Variants in TBXAS1 observed in about 807,000 individuals in gnomAD.
TBXAS1 encodes thromboxane A synthase 1, also known as thromboxane-A synthase.
TBXAS1 carries 48 observed loss-of-function variants against 60.7 expected under a neutral mutation model. The observed-to-expected ratio is 0.79, with a 90% CI of 0.63 to 1.01. TBXAS1 has a LOEUF of 1.01. TBXAS1 is among the 50% of genes least tolerant of loss of function. TBXAS1 has a pLI of 0.00. For synonymous variants in TBXAS1, 287 were observed against 269.7 expected, an observed-to-expected ratio of 1.06 and a Z score of -0.63; for missense variants, 685 against 686.3, an observed-to-expected ratio of 1.00 and a Z score of 0.02.
At position 139,953,888 on chromosome 7, in the gene TBXAS1, T is replaced by A. The variant is rs1809624976; in HGVS notation, c.539+432T>A. On this transcript the variant is annotated intron_variant, in intron 6 of 12. Transcript: ENST00000448866. Reference sequence around the variant, plus strand: ...TTTTGTAACTAAAAGGTTTTTGCTTTAAAAAAACATCTTTAGTCTAAGTTT... The same window carrying A: ...TTTTGTAACTAAAAGGTTTTTGCTTAAAAAAAACATCTTTAGTCTAAGTTT... Among the ~76,000 whole-genome samples the A allele has an allele frequency of 3.9e-5, 6 of 152,332 alleles. No individual in the cohort carries two copies. In the East Asian group the frequency reaches 1.2e-3, roughly 29 times the overall value.
intron 5 of TBXAS1, among the ~76,000 whole-genome samples, chr7:139,943,234 C>T (rs1355909301): frequency 1.3e-5 from 2 of 152,164 alleles, no homozygotes; most frequent in Non-Finnish European, 2.9e-5. Context: ...TGGCTGTAGT[C>T]ATCAATACTT....
rs1253689074 is a variant in TBXAS1 at position 139,999,975 on chromosome 7, TA to T, written c.1135-7115del. ...ACATTTTTATTTTCTTTTTCTCATTTATACTCCAGATGACATCTGCACACAC... is the reference window on the plus strand; with the variant it reads ...ACATTTTTATTTTCTTTTTCTCATTTTACTCCAGATGACATCTGCACACAC... On this transcript the variant is annotated intron_variant, in intron 9 of 12. Transcript: ENST00000448866. This position sits in a 1 kb window ranked among gnomAD's most constrained non-coding sequence, Gnocchi z 4.3. Among the ~76,000 whole-genome samples the T allele has an allele frequency of 6.6e-6, 1 of 152,226 alleles. No individual in the cohort carries two copies. Among genetic ancestry groups the T allele is most frequent in the East Asian group, 1.9e-4 (1 of 5,204 alleles).
At chr7:139,924,723 T>C (rs1569514298) in intron 4 of TBXAS1, among the ~76,000 whole-genome samples, 1 of 152,206 alleles carries the variant, frequency 6.6e-6, no homozygotes, top group Non-Finnish European at 1.5e-5. Flanking sequence ...ACTCAAGAAA[T>C]CTTTGCCCAG....
intron 1 of TBXAS1, among the ~76,000 whole-genome samples, chr7:139,853,671 T>G (rs1800382591): frequency 6.6e-6 from 1 of 152,160 alleles, no homozygotes; most frequent in Non-Finnish European, 1.5e-5. Flanking sequence ...CTAATTTAAC[T>G]ATCTGTTGGG....
rs749134947 is a variant in TBXAS1 at position 139,904,175 on chromosome 7, T to C, written c.237-7050T>C. Among the ~76,000 whole-genome samples the C allele has an allele frequency of 2.5e-4, 38 of 152,224 alleles. 1 individual carries two copies. Among genetic ancestry groups the C allele is most frequent in the South Asian group, 1.9e-3 (9 of 4,826 alleles). On this transcript the variant is annotated intron_variant, in intron 3 of 12. Transcript: ENST00000448866. Reference sequence around the variant, plus strand: ...TATTCTCCTACATGTGGCTAGCCAATTATCCCAGCATCGTTTATTGAAAGG... The same window carrying C: ...TATTCTCCTACATGTGGCTAGCCAACTATCCCAGCATCGTTTATTGAAAGG...
At chr7:139,961,842 C>T in intron 8 of TBXAS1, 77 bp from the exon 9 acceptor site, 2 of 1,562,720 alleles carry the variant, frequency 1.3e-6, no homozygotes, top group East Asian at 2.3e-5. Flanking sequence ...ATGTATCTTC[C>T]TCCTTTGTTC....
chr7:139,794,417 A>T (rs371001235), intron 4 of TBXAS1, among the ~76,000 whole-genome samples: 1 of 152,138 alleles, frequency 6.6e-6, no homozygotes, highest in East Asian at 1.9e-4. Context: ...TCTATATGGG[A>T]TGAACAAGAC....
At chr7:139,922,042 C>G (rs1806515254) in intron 4 of TBXAS1, among the ~76,000 whole-genome samples, 1 of 152,030 alleles carries the variant, frequency 6.6e-6, no homozygotes, top group African/African-American at 2.4e-5. Flanking sequence ...TGGTATCTCA[C>G]CACAGTTTTA....
In TBXAS1 at chr7:140,015,985, T is replaced by C. The variant is rs1282521563; in HGVS notation, c.1364+125T>C. The C allele has an allele frequency of 4.5e-6, 6 of 1,336,042 alleles. No individual in the cohort carries two copies. The African/African-American group carries it at 5.8e-5, about 13-fold the overall frequency. The allele number at this position is 1,336,042 out of a possible 1,614,324, so 82.8% of individuals were successfully genotyped here. On this transcript the variant is annotated intron_variant, in intron 11 of 12. Transcript: ENST00000448866. Reference sequence around the variant, plus strand: ...ATTGTCCCCAAATAGTCAAAAGTTATGGCAATTCAGATAGATGTTTGCAAG... The same window carrying C: ...ATTGTCCCCAAATAGTCAAAAGTTACGGCAATTCAGATAGATGTTTGCAAG...
intron 1 of TBXAS1, among the ~76,000 whole-genome samples, chr7:139,845,456 A>G (rs1391555637): frequency 6.6e-6 from 1 of 151,944 alleles, no homozygotes; most frequent in East Asian, 1.9e-4. Flanking sequence ...TTTGGGTGAG[A>G]ACTTCTCCAG....
chr7:139,807,114 C>T (rs1797897742), intron 4 of TBXAS1, among the ~76,000 whole-genome samples: 1 of 152,188 alleles, frequency 6.6e-6, no homozygotes, highest in African/African-American at 2.4e-5. Flanking sequence ...GGCAGATGAT[C>T]TCTCCCTTCC....
At chr7:139,917,210 G>A (rs922174530) in intron 4 of TBXAS1, among the ~76,000 whole-genome samples, 7 of 152,160 alleles carry the variant, frequency 4.6e-5, no homozygotes, top group Non-Finnish European at 8.8e-5. Context: ...ACTACAGAGG[G>A]CAGTGAAACC....
intron 1 of TBXAS1, among the ~76,000 whole-genome samples, chr7:139,842,749 T>C (rs1799542070): frequency 6.6e-6 from 1 of 152,252 alleles, no homozygotes; most frequent in African/African-American, 2.4e-5. Context: ...CAGCCCTCAG[T>C]GCAGAGTTTG....
rs542521793 is a variant in TBXAS1, at chr7:139,864,505, T to C, written c.90-7730T>C. Among the ~76,000 whole-genome samples the C allele has an allele frequency of 5.3e-5, 8 of 151,828 alleles. No homozygotes were observed. In the South Asian group the frequency reaches 1.7e-3, roughly 31 times the overall value. Reference sequence around the variant, plus strand: ...CATTTTCTCATCAAATCAGACTAATTCTAAAATTAATATGAAAAAGTAAGT... The same window carrying C: ...CATTTTCTCATCAAATCAGACTAATCCTAAAATTAATATGAAAAAGTAAGT... On this transcript the variant is annotated intron_variant, in intron 1 of 12. Transcript: ENST00000448866.
At chr7:140,016,106 A>C (rs1157596606) in intron 11 of TBXAS1, among the ~76,000 whole-genome samples, 3 of 152,168 alleles carry the variant, frequency 2.0e-5, no homozygotes, top group Non-Finnish European at 4.4e-5. Context: ...AGGTGGGCAG[A>C]TCACGAGGTC....
intron 3 of TBXAS1, among the ~76,000 whole-genome samples, chr7:139,901,650 G>A (rs1804583187): frequency 6.6e-6 from 1 of 152,004 alleles, no homozygotes; most frequent in Admixed American, 6.5e-5. Context: ...GTTAAAATAG[G>A]AGGTGCTTGG....
At chr7:140,015,209 G>C (rs182210368) in intron 10 of TBXAS1, among the ~76,000 whole-genome samples, 1 of 152,144 alleles carries the variant, frequency 6.6e-6, no homozygotes, top group Admixed American at 6.5e-5. Context: ...TTGGCATGGG[G>C]ACCATCCACA....
intron 5 of TBXAS1, chr7:139,952,678 TA>T (rs1809510046): frequency 1.3e-6 from 2 of 1,526,862 alleles, no homozygotes; most frequent in Non-Finnish European, 1.7e-6. Flanking sequence ...TATGCCACTC[TA>T]CCTTTCTGTG....
At chr7:139,976,928 T>G (rs1385478156) in intron 9 of TBXAS1, among the ~76,000 whole-genome samples, 2 of 152,188 alleles carry the variant, frequency 1.3e-5, no homozygotes, top group Admixed American at 1.3e-4. Flanking sequence ...CAGGAAGTCG[T>G]GGGTTTTCCG....
Sources: gnomAD v4.1 joint callset for allele counts (sites outside exome capture counted in the v4.1 genomes callset) on GRCh38, gnomAD v4.1.1 for gene constraint, Gnocchi (gnomAD v3.1) non-coding constraint, MANE v1.5 for transcripts, NCBI Gene and HGNC (gene_info 2026-07-23, HGNC 2026-07-21) for gene names.